The following PBX1 variants were observed in gnomAD, a reference collection of about 807,000 sequenced individuals.
PBX1 encodes the protein pre-B-cell leukemia transcription factor 1.
In PBX1, 6 loss-of-function variants were observed where a neutral mutation model predicts 53.4. That is an observed-to-expected ratio of 0.11 (90% CI 0.06 to 0.22). The LOEUF (loss-of-function observed/expected upper bound fraction) is 0.22, where lower values mean the gene tolerates loss of function less well. Ranked by LOEUF, PBX1 falls within the 10% of genes least tolerant of loss-of-function variation. PBX1 has a pLI of 1.00. For missense variants in PBX1, 251 were observed against 551.4 expected, an observed-to-expected ratio of 0.46 and a Z score of 5.46; for synonymous variants, 204 against 212.3, an observed-to-expected ratio of 0.96 and a Z score of 0.34.
At chr1:164,571,630 C>T (rs1653861126) in intron 2 of PBX1, among the ~76,000 whole-genome samples, 1 of 143,220 alleles carries the variant, frequency 7.0e-6, no homozygotes, top group Admixed American at 7.1e-5. Context: ...AGTTACTGTT[C>T]ACTTAGGTTA....
chr1:164,598,910 G>A (rs1168709675), intron 2 of PBX1, among the ~76,000 whole-genome samples: 1 of 152,114 alleles, frequency 6.6e-6, no homozygotes, highest in Non-Finnish European at 1.5e-5. Flanking sequence ...AGAAAACAGA[G>A]GCTCAGTTGC....
intron 2 of PBX1, among the ~76,000 whole-genome samples, chr1:164,692,577 C>T (rs1477389108): frequency 6.6e-6 from 1 of 151,894 alleles, no homozygotes; most frequent in African/African-American, 2.4e-5. Flanking sequence ...TTAAAGTAAC[C>T]CTTTCAAGAA....
intron 3 of PBX1, among the ~76,000 whole-genome samples, chr1:164,799,492 A>T (rs1256537294): frequency 6.6e-6 from 1 of 152,186 alleles, no homozygotes; most frequent in African/African-American, 2.4e-5. Context: ...CTCCGTCTCA[A>T]AAAAAATAAA....
intron 8 of PBX1, among the ~76,000 whole-genome samples, chr1:164,832,770 T>C (rs1160666742): frequency 6.6e-6 from 1 of 152,078 alleles, no homozygotes; most frequent in Non-Finnish European, 1.5e-5. Flanking sequence ...AGGAGAGTGA[T>C]AAAATTGCAT....
At chr1:164,700,428 G>A (rs1348578247) in intron 2 of PBX1, 2 of 984,410 alleles carry the variant, frequency 2.0e-6, no homozygotes, top group East Asian at 1.1e-4. Context: ...CTTAAGAGAA[G>A]TGCTTTGGTT....
chr1:164,836,704 T>C (rs942861066), intron 8 of PBX1, among the ~76,000 whole-genome samples: 4 of 152,194 alleles, frequency 2.6e-5, no homozygotes, highest in Non-Finnish European at 5.9e-5. Context: ...ACAACCCTTC[T>C]GTTAGCTGTA....
chr1:164,765,292 A>G (rs1365421905), intron 2 of PBX1, among the ~76,000 whole-genome samples: 1 of 152,188 alleles, frequency 6.6e-6, no homozygotes, highest in Non-Finnish European at 1.5e-5. Flanking sequence ...GTGCGATAAC[A>G]TGTATGTGTG....
chr1:164,650,993 G>A (rs1659777285), intron 2 of PBX1, among the ~76,000 whole-genome samples: 1 of 151,862 alleles, frequency 6.6e-6, no homozygotes, highest in South Asian at 2.1e-4. Context: ...GACCTTAAGA[G>A]GTGAGGGGAA....
At chr1:164,884,293 A>G (rs1193709939) in intron 2 of PBX1, among the ~76,000 whole-genome samples, 1 of 152,188 alleles carries the variant, frequency 6.6e-6, no homozygotes, top group Non-Finnish European at 1.5e-5. Context: ...TCCATATTAT[A>G]TGAATGAAAA....
chr1:164,858,512 C>T (rs72698335), intron 2 of PBX1, among the ~76,000 whole-genome samples: 4,548 of 152,000 alleles, frequency 0.03, 116 homozygotes, highest in Middle Eastern at 0.051. Context: ...GTTTCTGAAA[C>T]CACAACTCTC....
intron 8 of PBX1, among the ~76,000 whole-genome samples, chr1:164,842,811 G>T (rs1156446802): frequency 2.0e-5 from 3 of 152,206 alleles, no homozygotes; most frequent in South Asian, 4.2e-4. Context: ...ATTTCCAAGA[G>T]TGTGTTCATT....
intron 2 of PBX1, among the ~76,000 whole-genome samples, chr1:164,870,341 C>CTT (rs1166303866): frequency 1.9e-5 from 2 of 104,080 alleles, no homozygotes; most frequent in Non-Finnish European, 3.8e-5. Flanking sequence ...TTCTTTCTTT[C>CTT]TTTCTTTCTT....
At chr1:164,788,359 C>T (rs1017511815) in intron 2 of PBX1, among the ~76,000 whole-genome samples, 2 of 151,724 alleles carry the variant, frequency 1.3e-5, no homozygotes, top group African/African-American at 4.8e-5. Context: ...ACATATCACC[C>T]TTTTCATTTA....
chr1:164,848,651 G>A lies in PBX1; in HGVS notation c.*1975G>A. On this transcript the variant is annotated 3_prime_UTR_variant, in exon 9 of 9. Coordinates refer to ENST00000420696, the MANE Select transcript of PBX1 (RefSeq NM_002585.4). ...AAAAACTTCCAAACTAGAAAAACAG[G>A]CCCTGGTTCCCTTAGTTTGCACTTG... 2 of 1,056,106 alleles carry A rather than the reference G, an allele frequency of 1.9e-6. No individual in the cohort carries two copies. Among genetic ancestry groups the A allele is most frequent in the South Asian group, 4.6e-5 (1 of 21,890 alleles). 65.4% of individuals were successfully genotyped at this position (1,056,106 alleles called of 1,614,324 possible).
intron 8 of PBX1, among the ~76,000 whole-genome samples, chr1:164,832,246 C>A (rs1452914042): frequency 6.6e-6 from 1 of 152,070 alleles, no homozygotes; most frequent in Non-Finnish European, 1.5e-5. Flanking sequence ...ATTTTGGAGA[C>A]CGAATGATAT....
At chr1:164,674,945 A>G (rs1053895714) in intron 2 of PBX1, 1 of 143,596 alleles carries the variant, frequency 7.0e-6, no homozygotes, top group Non-Finnish European at 1.5e-5. Flanking sequence ...TTTCTTTAGC[A>G]TGGTGCTTAT....
rs562734264 is a variant in PBX1 at position 164,652,356 on chromosome 1, A to G, written c.265+89045A>G. ...ATTTTCCTCCCCTCACTCCACCCCAATTTGGAAAATAGTGATTCATTTCAT... is the reference window on the plus strand; with the variant it reads ...ATTTTCCTCCCCTCACTCCACCCCAGTTTGGAAAATAGTGATTCATTTCAT... On this transcript the variant is annotated intron_variant, in intron 2 of 8. Transcript: ENST00000420696. Among the ~76,000 whole-genome samples, 22 of 152,296 alleles carry G rather than the reference A, an allele frequency of 1.4e-4. No homozygotes were observed. In the South Asian group the frequency reaches 4.1e-3, roughly 29 times the overall value.
intron 2 of PBX1, among the ~76,000 whole-genome samples, chr1:164,717,854 A>C (rs1319945124): frequency 6.6e-6 from 1 of 152,190 alleles, no homozygotes; most frequent in Non-Finnish European, 1.5e-5. Context: ...TTCTTCACTA[A>C]GAAGTAGTAC....
At position 164,735,940 on chromosome 1, in the gene PBX1, C is replaced by T. The variant is rs138315491; in HGVS notation, c.266-56554C>T. Among the ~76,000 whole-genome samples, 9 of 152,228 alleles carry T rather than the reference C, an allele frequency of 5.9e-5. No individual in the cohort carries two copies. In the East Asian group the frequency reaches 7.7e-4, roughly 13 times the overall value. ...GTAGCCACTACAGGCCACAGGCTGCCGGCACAAAGAGCAAGCAGTTTGTTT... is the reference window on the plus strand; with the variant it reads ...GTAGCCACTACAGGCCACAGGCTGCTGGCACAAAGAGCAAGCAGTTTGTTT... On this transcript the variant is annotated intron_variant, in intron 2 of 8. Coordinates refer to ENST00000420696, the MANE Select transcript of PBX1 (RefSeq NM_002585.4).
Sources: allele counts gnomAD v4.1 joint callset (sites outside exome capture counted in the v4.1 genomes callset), GRCh38; gene constraint gnomAD v4.1.1; transcripts MANE v1.5; gene names NCBI Gene and HGNC (gene_info 2026-07-23, HGNC 2026-07-21).